Variants in TMEM117 observed in about 807,000 individuals in gnomAD.
The protein encoded by TMEM117 is transmembrane protein 117.
TMEM117 carries 27 observed loss-of-function variants against 52.4 expected under a neutral mutation model. That is an observed-to-expected ratio of 0.51 (90% CI 0.38 to 0.71). TMEM117 has a LOEUF of 0.71. Ranked by LOEUF, TMEM117 falls within the 30% of genes least tolerant of loss-of-function variation. The pLI, the probability that TMEM117 is intolerant of heterozygous loss-of-function variation, is 0.00. For synonymous variants in TMEM117, 215 were observed against 206.3 expected (o/e 1.04, Z -0.36); for missense variants, 556 against 630.5 (o/e 0.88, Z 1.26).
At chr12:44,046,871 G>A (rs180855685) in intron 3 of TMEM117, among the ~76,000 whole-genome samples, 23 of 152,190 alleles carry the variant, frequency 1.5e-4, no homozygotes, top group African/African-American at 5.3e-4. Flanking sequence ...TTTTGGGTTG[G>A]GGATTGATGT....
chr12:44,309,459 T>TA (rs139103450), intron 6 of TMEM117, among the ~76,000 whole-genome samples: 7,298 of 152,098 alleles, frequency 0.048, 357 homozygotes, highest in African/African-American at 0.12. Context: ...CAGGAGACCA[T>TA]ATGAGAACAC....
intron 3 of TMEM117, among the ~76,000 whole-genome samples, chr12:44,102,920 C>T (rs1311103895): frequency 6.6e-6 from 1 of 151,948 alleles, no homozygotes; most frequent in African/African-American, 2.4e-5. Flanking sequence ...GAGATTTTCC[C>T]TCCTTTGCTC....
chr12:44,149,556 T>C (rs1948692633), intron 4 of TMEM117, among the ~76,000 whole-genome samples: 1 of 152,212 alleles, frequency 6.6e-6, no homozygotes, highest in Admixed American at 6.5e-5. Flanking sequence ...TATTGCACAC[T>C]TATTTAGGAA....
At chr12:43,846,986 C>T (rs1371484395) in intron 2 of TMEM117, among the ~76,000 whole-genome samples, 1 of 152,032 alleles carries the variant, frequency 6.6e-6, no homozygotes, top group Non-Finnish European at 1.5e-5. Context: ...ACAATGCACA[C>T]ATATGTATAG....
At chr12:43,876,411 A>G (rs916303902) in intron 2 of TMEM117, among the ~76,000 whole-genome samples, 1 of 152,112 alleles carries the variant, frequency 6.6e-6, no homozygotes, top group South Asian at 2.1e-4. Flanking sequence ...GCTTAGGTTG[A>G]TCTTCAAGAT....
chr12:44,377,042 C>T (rs1951951791), intron 7 of TMEM117, among the ~76,000 whole-genome samples: 1 of 152,126 alleles, frequency 6.6e-6, no homozygotes, highest in South Asian at 2.1e-4. Flanking sequence ...TGTCACCTTT[C>T]CTCATGTTCC....
chr12:44,362,221 A>G (rs183088831), intron 6 of TMEM117, among the ~76,000 whole-genome samples: 1 of 151,430 alleles, frequency 6.6e-6, no homozygotes, highest in Non-Finnish European at 1.5e-5. Flanking sequence ...CTGATGGTAA[A>G]CCTCTGTCCA....
intron 2 of TMEM117, among the ~76,000 whole-genome samples, chr12:43,872,734 A>G (rs1316297325): frequency 6.6e-6 from 1 of 152,210 alleles, no homozygotes; most frequent in African/African-American, 2.4e-5. Flanking sequence ...CCACTCTACC[A>G]TCAAGTAGTG....
chr12:44,000,190 G>A (rs757012276), intron 3 of TMEM117, among the ~76,000 whole-genome samples: 10 of 152,154 alleles, frequency 6.6e-5, no homozygotes, highest in Non-Finnish European at 1.3e-4. Flanking sequence ...CAATGTACCC[G>A]GGTAAGTTCA....
At chr12:44,047,606 C>A (rs772777670) in intron 3 of TMEM117, among the ~76,000 whole-genome samples, 2 of 152,028 alleles carry the variant, frequency 1.3e-5, no homozygotes, top group Non-Finnish European at 2.9e-5. Context: ...TTAAAAAATT[C>A]TTGCTTTGTA....
chr12:44,141,001 TC>T (rs1363709151), intron 3 of TMEM117, among the ~76,000 whole-genome samples: 2 of 152,128 alleles, frequency 1.3e-5, no homozygotes, highest in Non-Finnish European at 2.9e-5. Context: ...TCCTTAAATT[TC>T]CAATGTTGTC....
chr12:44,052,174 A>G (rs1946984434), intron 3 of TMEM117, among the ~76,000 whole-genome samples: 1 of 152,226 alleles, frequency 6.6e-6, no homozygotes, highest in African/African-American at 2.4e-5. Flanking sequence ...CTCATTGAAT[A>G]ACTAGGTTTC....
At chr12:43,898,419 G>A (rs2137498401) in intron 2 of TMEM117, among the ~76,000 whole-genome samples, 1 of 150,262 alleles carries the variant, frequency 6.7e-6, no homozygotes, top group South Asian at 2.1e-4. Context: ...TACACTTCAG[G>A]ACATATTGTG....
At chr12:44,302,373 A>G (rs1396676390) in intron 6 of TMEM117, among the ~76,000 whole-genome samples, 2 of 152,162 alleles carry the variant, frequency 1.3e-5, no homozygotes, top group Non-Finnish European at 2.9e-5. Context: ...CCAGATCAAC[A>G]TATTTGCTGC....
In TMEM117 at chr12:44,183,878, G is replaced by A. The variant is rs75979833; in HGVS notation, c.511-27412G>A. Among the ~76,000 whole-genome samples the A allele has an allele frequency of 7.5e-3, 1,139 of 152,098 alleles. 18 individuals carry two copies. Among genetic ancestry groups the A allele is most frequent in the African/African-American group, 0.026 (1,086 of 41,486 alleles). On this transcript the variant is annotated intron_variant, in intron 4 of 7. Transcript: ENST00000266534. The stretch of plus-strand genomic sequence containing the variant: ...TGACTACTTCCCTCACATTTCACAC[G>A]CAGCAAGACCTTCCCAAGCCAAGGC...
chr12:44,247,783 A>C lies in TMEM117; in HGVS notation c.608+36396A>C, dbSNP rs79747946. 6.4e-3 allele frequency among the ~76,000 whole-genome samples: 972 copies of C among 152,206 alleles called. 12 individuals carry two copies. Among genetic ancestry groups the C allele is most frequent in the Non-Finnish European group, 6.2e-3 (420 of 67,998 alleles). On this transcript the variant is annotated intron_variant, in intron 5 of 7. Transcript: ENST00000266534. ...CAGGAAGGAACTTTCAGAGGAGCCA[A>C]CTCTGCCTGGACCAGTCGTTGAAGA...
At chr12:44,353,038 G>C (rs1294774606) in intron 6 of TMEM117, among the ~76,000 whole-genome samples, 1 of 152,124 alleles carries the variant, frequency 6.6e-6, no homozygotes, top group African/African-American at 2.4e-5. Flanking sequence ...GCATTTCTCT[G>C]ATGGCCAGTG....
intron 6 of TMEM117, among the ~76,000 whole-genome samples, chr12:44,358,949 A>G (rs1273942222): frequency 6.6e-6 from 1 of 152,132 alleles, no homozygotes; most frequent in East Asian, 1.9e-4. Context: ...ATTATGATGC[A>G]TTGTTTTTAT....
chr12:44,018,806 G>A lies in TMEM117; in HGVS notation c.410+74464G>A, dbSNP rs1346631512. Among the ~76,000 whole-genome samples the A allele has an allele frequency of 4.7e-5, 7 of 150,180 alleles. No homozygotes were observed. In the South Asian group the frequency reaches 1.3e-3, roughly 27 times the overall value. On this transcript the variant is annotated intron_variant, in intron 3 of 7. Coordinates refer to ENST00000266534, the MANE Select transcript of TMEM117 (RefSeq NM_032256.3). ...GCAATCTTGGCTCACTGCAACCTCC[G>A]CTTCCCAGGTTAAAGCAATTCTCCT... is the stretch of plus-strand genomic sequence containing the variant.
Sources: gnomAD v4.1 joint callset for allele counts (sites outside exome capture counted in the v4.1 genomes callset) on GRCh38, gnomAD v4.1.1 for gene constraint, MANE v1.5 for transcripts, NCBI Gene and HGNC (gene_info 2026-07-23, HGNC 2026-07-21) for gene names.